Variants in GTPBP1 observed in about 807,000 individuals in gnomAD.
GTPBP1 encodes GTP binding protein 1.
Under a neutral mutation model 62.0 loss-of-function variants are expected in GTPBP1, and 23 were observed. That is an observed-to-expected ratio of 0.37 (90% CI 0.27 to 0.53). The LOEUF (loss-of-function observed/expected upper bound fraction) is 0.53. Ranked by LOEUF, GTPBP1 falls within the 20% of genes least tolerant of loss-of-function variation. The probability of loss-of-function intolerance (pLI) is 0.89; values close to 1 mark genes in which losing one functional copy is unlikely to be tolerated. For synonymous variants in GTPBP1, 344 were observed against 364.4 expected, an observed-to-expected ratio of 0.94 and a Z score of 0.64; for missense variants, 640 against 917.3, an observed-to-expected ratio of 0.70 and a Z score of 3.90.
intron 2 of GTPBP1, among the ~76,000 whole-genome samples, chr22:38,713,009 G>A (rs956500604): frequency 2.6e-5 from 4 of 152,196 alleles, no homozygotes; most frequent in African/African-American, 4.8e-5. Flanking sequence ...TGTATTGTGC[G>A]GGGAGGGGAG....
intron 4 of GTPBP1, among the ~76,000 whole-genome samples, chr22:38,719,865 C>T (rs1304510790): frequency 6.6e-6 from 1 of 151,702 alleles, no homozygotes; most frequent in Non-Finnish European, 1.5e-5. Flanking sequence ...TATCTTTCAG[C>T]TGCTTTTTTT....
At chr22:38,729,401 A>C in intron 10 of GTPBP1, 61 bp from the exon 11 acceptor site, 1 of 1,279,436 alleles carries the variant, frequency 7.8e-7, no homozygotes, top group Non-Finnish European at 1.1e-6. Context: ...GGTGGGGGGT[A>C]GCCAAGCCAG....
At chr22:38,739,194 A>G, downstream of GTPBP1, 3 of 987,524 alleles carry the variant, frequency 3.0e-6, no homozygotes, top group South Asian at 2.9e-5. This position sits in a 1 kb window ranked among gnomAD's most constrained non-coding sequence, Gnocchi z 6.7. Context: ...CTGAATTGCC[A>G]CTTGCCTTTG....
downstream of GTPBP1, chr22:38,735,687 C>G (rs2092798709): frequency 6.1e-6 from 1 of 165,204 alleles, no homozygotes; most frequent in Non-Finnish European, 1.3e-5. Flanking sequence ...CAAATACACA[C>G]TTTTGTCGAA....
chr22:38,706,064 C>G lies in GTPBP1; in HGVS notation c.109C>G (p.Arg37Gly), dbSNP rs1384682702. 7.3e-7 allele frequency: 1 copy of G among 1,362,898 alleles called. No individual in the cohort carries two copies. Among genetic ancestry groups the G allele is most frequent in the South Asian group, 1.6e-5 (1 of 61,802 alleles). The allele number at this position is 1,362,898 out of a possible 1,614,324, so 84.4% of individuals were successfully genotyped here. The change falls in exon 1 of 12, where the codon CGA (arginine) becomes GGA (glycine). Residue 37 changes from arginine to glycine, a missense_variant. Physicochemically the swap from Arg to Gly is moderately radical, Grantham distance 125. Around this residue, in one of 4 missense-constraint regions of GTPBP1, gnomAD observed 215 missense variants for 235.1 expected, o/e 0.91. Transcript: ENST00000216044. ...GAARAAAAAA[R>G]LHGGFDSDCS... is the part of the protein sequence containing the mutation. ...GGCCAGGGCCGCGGCGGCCGCCGCC[C>G]GACTCCACGGCGGCTTTGACTCGGA...
downstream of GTPBP1, chr22:38,735,283 G>A (rs2092793423): frequency 2.2e-6 from 1 of 454,626 alleles, no homozygotes; most frequent in Non-Finnish European, 4.4e-6. Context: ...GGGGCAGCCT[G>A]AGCGGACGAC....
chr22:38,740,197 C>T, downstream of GTPBP1: 1 of 1,453,316 alleles, frequency 6.9e-7, no homozygotes, highest in Non-Finnish European at 9.1e-7. This position sits in a 1 kb window ranked among gnomAD's most constrained non-coding sequence, Gnocchi z 4.8. Flanking sequence ...TGCTGCTTTG[C>T]AGGCCCCAGG....
rs1470240181 is a variant in GTPBP1, at chr22:38,706,013, G to A, written c.58G>A (p.Ala20Thr). The A allele has an allele frequency of 4.9e-6, 7 of 1,436,728 alleles. No individual in the cohort carries two copies. Among genetic ancestry groups the A allele is most frequent in the South Asian group, 4.0e-5 (3 of 75,278 alleles). 89.0% of individuals were successfully genotyped at this position (1,436,728 alleles called of 1,614,324 possible). Reference protein sequence around the residue: ...MDSPVPASMFAPEPSSPGAAR... With the variant: ...MDSPVPASMFTPEPSSPGAAR... ...CTCGCCGGTCCCGGCCTCTATGTTC[G>A]CCCCCGAGCCCAGCTCCCCGGGGGC... The change falls in exon 1 of 12, where the codon GCC (alanine) becomes ACC (threonine). Residue 20 changes from alanine to threonine, a missense_variant. Ala to Thr is a moderately conservative substitution (Grantham distance 58). Coordinates refer to ENST00000216044, the MANE Select transcript of GTPBP1 (RefSeq NM_004286.5).
chr22:38,721,702 T>C, intron 4 of GTPBP1, 40 bp from the exon 5 acceptor site: 1 of 1,582,514 alleles, frequency 6.3e-7, no homozygotes, highest in African/African-American at 1.3e-5. Context: ...AGCAATCTCT[T>C]TCTCTCTCGT....
At chr22:38,740,231 A>G (rs1242646089), downstream of GTPBP1, 2 of 1,509,884 alleles carry the variant, frequency 1.3e-6, no homozygotes, top group South Asian at 1.3e-5. The surrounding 1 kb of genome is among the most constrained non-coding windows in gnomAD (Gnocchi z 4.8). Flanking sequence ...AAGGAGGAGG[A>G]GAGGGACCAG....
chr22:38,740,829 G>A (rs1175822817), downstream of GTPBP1: 3 of 671,018 alleles, frequency 4.5e-6, no homozygotes, highest in Non-Finnish European at 7.7e-6. The surrounding 1 kb of genome is among the most constrained non-coding windows in gnomAD (Gnocchi z 4.8). Context: ...AACCTCCATG[G>A]CACCTCAAAG....
intron 2 of GTPBP1, among the ~76,000 whole-genome samples, chr22:38,713,192 A>G (rs1434214540): frequency 6.6e-6 from 1 of 152,090 alleles, no homozygotes; most frequent in Non-Finnish European, 1.5e-5. Flanking sequence ...AGAGAACCCC[A>G]GCACAAGGAA....
Position 38,729,598 on chromosome 22 carries a change from C to T in GTPBP1, c.1853C>T (p.Pro618Leu), listed in dbSNP as rs201065524. The change falls in exon 11 of 12, where the codon CCT becomes CTT. Residue 618 changes from proline (P) to leucine (L), a missense_variant. Transcript: ENST00000216044. ...GGGCCAGCAGTAGGAGCACCCCCACCTGGAGATGAAGCCTCCTCTGTAGGG... is the reference window on the plus strand; with the variant it reads ...GGGCCAGCAGTAGGAGCACCCCCACTTGGAGATGAAGCCTCCTCTGTAGGG... ...SGGPAVGAPP[P>L]GDEASSVGAG... 1.0e-5 allele frequency: 16 copies of T among 1,567,680 alleles called. No individual in the cohort carries two copies. The highest frequency in any genetic ancestry group is 1.4e-5 in the Non-Finnish European group (16 of 1,158,904).
downstream of GTPBP1, chr22:38,736,676 T>C (rs2092808628): frequency 4.1e-6 from 1 of 242,568 alleles, no homozygotes; most frequent in Non-Finnish European, 8.1e-6. Flanking sequence ...GAGGGCTTCA[T>C]AGATGCTGAT....
intron 1 of GTPBP1, chr22:38,706,485 T>G: frequency 5.1e-6 from 1 of 197,128 alleles, no homozygotes; most frequent in Non-Finnish European, 1.0e-5. Context: ...CCCCGCTCAG[T>G]GCCCCTCCCC....
At chr22:38,735,434 AGACAGGTCTAGGTCTCCATACCCT>A, downstream of GTPBP1, 1 of 339,078 alleles carries the variant, frequency 2.9e-6, no homozygotes, top group Non-Finnish European at 5.8e-6. Flanking sequence ...ATGGCCCCAA[AGACAGGTCTAGGTCTCCATACCCT>A]GGGAGAATGT....
chr22:38,734,214 A>G, downstream of GTPBP1: 1 of 427,220 alleles, frequency 2.3e-6, no homozygotes, highest in Non-Finnish European at 4.8e-6. Flanking sequence ...GGATCAGGCT[A>G]GAGAACCACG....
chr22:38,738,324 A>C, downstream of GTPBP1: 1 of 1,439,538 alleles, frequency 6.9e-7, no homozygotes, highest in Non-Finnish European at 9.7e-7. This position sits in a 1 kb window ranked among gnomAD's most constrained non-coding sequence, Gnocchi z 6.6. Flanking sequence ...ACCCCTCCCC[A>C]CTCCAATCCC....
Position 38,708,971 on chromosome 22 carries a change from C to G in GTPBP1, c.304+15C>G, listed in dbSNP as rs370371698. 2.0e-4 allele frequency: 290 copies of G among 1,442,816 alleles called. No homozygotes were observed. The African/African-American group carries it at 3.7e-3, about 18-fold the overall frequency. 89.4% of individuals were successfully genotyped at this position (1,442,816 alleles called of 1,614,324 possible). On this transcript the variant is annotated intron_variant, in intron 2 of 11. Transcript: ENST00000216044. ...GCAGGGATCAGGTGAGCATAGTTTT[C>G]CTTTCACTTTATTTTTAAAAATTAT...
Sources: gnomAD v4.1 joint callset for allele counts (sites outside exome capture counted in the v4.1 genomes callset) on GRCh38, gnomAD v4.1.1 for gene constraint, gnomAD v4.1.1 regional missense constraint, Gnocchi (gnomAD v3.1) non-coding constraint, MANE v1.5 for transcripts, NCBI Gene and HGNC (gene_info 2026-07-23, HGNC 2026-07-21) for gene names.